IPO4: variants seen among roughly 807,000 people sequenced by gnomAD.
The protein encoded by IPO4 is importin-4.
Under a neutral mutation model 133.5 loss-of-function variants are expected in IPO4, and 91 were observed. The observed-to-expected ratio is 0.68, with a 90% CI of 0.58 to 0.81. IPO4 has a LOEUF of 0.81. Ranked by LOEUF, IPO4 falls within the 30% of genes least tolerant of loss-of-function variation. The pLI is 0.00. For missense variants in IPO4, 1,279 were observed against 1,386.2 expected, an observed-to-expected ratio of 0.92 and a Z score of 1.23; for synonymous variants, 607 against 581.6, an observed-to-expected ratio of 1.04 and a Z score of -0.63.
chr14:24,183,972 G>GGGGGCC, intron 18 of IPO4, 26 bp downstream of exon 18: 19 of 1,573,196 alleles, frequency 1.2e-5, no homozygotes, highest in Non-Finnish European at 1.6e-5. Context: ...GGCAGGCCTG[G>GGGGGCC]CCCAGCCCAC....
intron 12 of IPO4, 76 bp from the exon 13 acceptor site, chr14:24,185,643 T>G (rs1360402696): frequency 5.8e-6 from 8 of 1,386,776 alleles, no homozygotes; most frequent in Non-Finnish European, 8.1e-6. Flanking sequence ...TCTCTTCATT[T>G]TCCCTGGAAA....
At chr14:24,185,652 A>G in intron 12 of IPO4, 85 bp from the exon 13 acceptor site, 1 of 1,318,228 alleles carries the variant, frequency 7.6e-7, no homozygotes, top group Non-Finnish European at 1.1e-6. Context: ...TTTCCCTGGA[A>G]AAACCAAGGC....
Position 24,184,776 on chromosome 14 carries a change from A to G in IPO4, c.1523-13T>C, listed in dbSNP as rs1396888908. 4 of 1,610,440 alleles carry G rather than the reference A, an allele frequency of 2.5e-6. No individual in the cohort carries two copies. The highest frequency in any genetic ancestry group is 1.3e-5 in the African/African-American group (1 of 74,984). ...TGGGCAGCCGTAGCTGCAGGATGGA[A>G]GGACAGAATCAGAGCTGGAGAGGGC... On this transcript the variant is annotated splice_polypyrimidine_tract_variant and intron_variant, in intron 15 of 29. Coordinates refer to ENST00000354464, the MANE Select transcript of IPO4 (RefSeq NM_024658.4).
In IPO4 at chr14:24,186,804, T is replaced by A; in HGVS notation, c.757-13A>T. ...CATTTCTAGCTACCTGTCCACAGAA[T>A]AATAAAAATCAGCGACAGGGAAGGA... On this transcript the variant is annotated splice_polypyrimidine_tract_variant and intron_variant, in intron 8 of 29. Coordinates refer to ENST00000354464, the MANE Select transcript of IPO4 (RefSeq NM_024658.4). 1 of 1,613,864 alleles carries A rather than the reference T, an allele frequency of 6.2e-7. No individual in the cohort carries two copies. The highest frequency in any genetic ancestry group is 1.3e-5 in the African/African-American group (1 of 75,024).
intron 18 of IPO4, 26 bp downstream of exon 18, chr14:24,183,972 G>GGGGCGC: frequency 6.4e-7 from 1 of 1,573,306 alleles, no homozygotes. Flanking sequence ...GGCAGGCCTG[G>GGGGCGC]CCCAGCCCAC....
rs376606633 is a variant in IPO4, at chr14:24,183,665, T to C, written c.1988A>G (p.Tyr663Cys). ...ATCGAAGAAGGCATTCTCCACGCTG[T>C]ACCTAGAGTAAGAAGGGGAGGCAGT... ...EEEDDSEISG[Y>C]SVENAFFDEK... Residue 663 changes from tyrosine (Y) to cysteine (C), a missense_variant and splice_region_variant, in exon 20 of 30, where the codon TAC becomes TGC. Tyr to Cys is a radical substitution (Grantham distance 194). Transcript: ENST00000354464. The C allele has an allele frequency of 2.2e-5, 35 of 1,613,924 alleles. No homozygotes were observed. Among genetic ancestry groups the C allele is most frequent in the Non-Finnish European group, 2.8e-5 (33 of 1,180,012 alleles).
intron 28 of IPO4, 92 bp from the exon 29 acceptor site, chr14:24,180,850 CA>C (rs1346103290): frequency 9.6e-6 from 10 of 1,039,378 alleles, no homozygotes; most frequent in East Asian, 2.6e-5. Context: ...AATCTCTTAT[CA>C]GGGGGGTGGT....
At chr14:24,183,972 G>GGGGGGCCCCCCCCCC in intron 18 of IPO4, 26 bp downstream of exon 18, 2 of 1,573,284 alleles carry the variant, frequency 1.3e-6, no homozygotes, top group Non-Finnish European at 1.7e-6. Flanking sequence ...GGCAGGCCTG[G>GGGGGGCCCCCCCCCC]CCCAGCCCAC....
At chr14:24,188,659 A>C in intron 1 of IPO4, 21 bp from the exon 2 acceptor site, 4 of 1,606,380 alleles carry the variant, frequency 2.5e-6, no homozygotes, top group Non-Finnish European at 3.4e-6. Context: ...GCTAGGGGTG[A>C]GAGTTGGGCC....
Position 24,187,737 on chromosome 14 carries a change from A to G in IPO4, c.338T>C (p.Leu113Ser). 1 of 1,614,224 alleles carries G rather than the reference A, an allele frequency of 6.2e-7. No individual in the cohort carries two copies. Among genetic ancestry groups the G allele is most frequent in the Non-Finnish European group, 8.5e-7 (1 of 1,180,028 alleles). ...CTGCAAAAGCTGTGGCCAGGCCTCC[A>G]AGCCTTCCTTTCGAAAAATGGTGGC... ...LSATIFRKEGLEAWPQLLQLL... is the reference protein window; with the variant it reads ...LSATIFRKEGSEAWPQLLQLL... The change falls in exon 5 of 30, where the codon TTG (leucine) becomes TCG (serine). Residue 113 changes from leucine (L) to serine (S), a missense_variant. This residue lies in a region of IPO4 where 695 missense variants were observed against 704.1 expected (regional missense o/e 0.99). Coordinates refer to ENST00000354464, the MANE Select transcript of IPO4 (RefSeq NM_024658.4).
At position 24,183,274 on chromosome 14, in the gene IPO4, A is replaced by G. The variant is rs2039168465; in HGVS notation, c.2203T>C (p.Cys735Arg). The G allele has an allele frequency of 6.2e-7, 1 of 1,613,628 alleles. No individual in the cohort carries two copies. The highest frequency in any genetic ancestry group is 8.5e-7 in the Non-Finnish European group (1 of 1,179,842). ...CCALHKACQSCPSEPNTAALQ... is the reference protein window; with the variant it reads ...CCALHKACQSRPSEPNTAALQ... Reference sequence around the variant, plus strand: ...CCAGCAGTGTTGGGTTCCGAGGGGCAGCTTTGACAGGCCTTGTGCAGTGCA... The same window carrying G: ...CCAGCAGTGTTGGGTTCCGAGGGGCGGCTTTGACAGGCCTTGTGCAGTGCA... The change falls in exon 22 of 30, where the codon TGC becomes CGC. Residue 735 changes from cysteine to arginine, a missense_variant. By Grantham distance (180) the Cys-to-Arg change is radical. Transcript: ENST00000354464.
In IPO4 at chr14:24,187,548, G is replaced by A; in HGVS notation, c.440C>T (p.Thr147Ile). ...GGGTTGGAAGGCCTCGGGCCGGGAG[G>A]TCACCACCACACTTAGCAGCAAAAG... is the stretch of plus-strand genomic sequence containing the variant. ...MGLLLLSVVV[T>I]SRPEAFQPHH... is the part of the protein sequence containing the mutation. The change falls in exon 6 of 30, where the codon ACC (threonine) becomes ATC (isoleucine). Residue 147 changes from threonine to isoleucine, a missense_variant. By Grantham distance (89) the Thr-to-Ile change is moderately conservative (BLOSUM62 -1). Around this residue, in one of 3 missense-constraint regions of IPO4, gnomAD observed 695 missense variants for 704.1 expected, o/e 0.99. Transcript: ENST00000354464. The A allele has an allele frequency of 1.9e-6, 3 of 1,614,136 alleles. No individual in the cohort carries two copies. The highest frequency in any genetic ancestry group is 8.5e-7 in the Non-Finnish European group (1 of 1,180,038).
At chr14:24,182,470 C>T (rs1209090453) in intron 24 of IPO4, 67 bp from the exon 25 acceptor site, 1 of 1,560,770 alleles carries the variant, frequency 6.4e-7, no homozygotes, top group East Asian at 2.4e-5. Flanking sequence ...CCCTCCCACG[C>T]TCTGCCACCA....
intron 12 of IPO4, 104 bp downstream of exon 12, chr14:24,185,757 G>T: frequency 9.8e-7 from 1 of 1,016,884 alleles, no homozygotes; most frequent in Non-Finnish European, 1.5e-6. Flanking sequence ...TTTGATAATG[G>T]GGGGAAACGC....
rs1429330723 is a variant in IPO4, at chr14:24,186,171, C to T, written c.1017G>A (p.Met339Ile). The change falls in exon 11 of 30, where the codon ATG becomes ATA. Residue 339 changes from methionine to isoleucine, a missense_variant. Transcript: ENST00000354464. ...TCTCGGGGGGCAGGTGTAGTGCCAG[C>T]ATGTCCACAACCTGAGATGGGATGG... is the stretch of plus-strand genomic sequence containing the variant. ...PKHFAVQVVD[M>I]LALHLPPEKL... 1.2e-6 allele frequency: 2 copies of T among 1,614,006 alleles called. No homozygotes were observed. The highest frequency in any genetic ancestry group is 1.7e-6 in the Non-Finnish European group (2 of 1,179,916).
chr14:24,186,100 G>A lies in IPO4; in HGVS notation c.1059+29C>T, dbSNP rs755907412. The A allele has an allele frequency of 4.3e-6, 7 of 1,612,992 alleles. No homozygotes were observed. In the East Asian group the frequency reaches 1.6e-4, roughly 36 times the overall value. On this transcript the variant is annotated intron_variant, in intron 11 of 29. Coordinates refer to ENST00000354464, the MANE Select transcript of IPO4 (RefSeq NM_024658.4). ...GGGGACTAGGCACACTTGGAGGTAG[G>A]GACACCAGAAGGACAGAGCCACACT...
chr14:24,188,040 G>A (rs1260914908), intron 4 of IPO4, 176 bp downstream of exon 4: 4 of 791,820 alleles, frequency 5.1e-6, no homozygotes, highest in African/African-American at 1.7e-5. Flanking sequence ...GGGTTTGGCA[G>A]ATCATCATCA....
In IPO4 at chr14:24,188,723, C is replaced by T. The variant is rs1483774351; in HGVS notation, c.65G>A (p.Arg22His). Residue 22 changes from arginine to histidine, a missense_variant, in exon 1 of 30, where the codon CGT becomes CAT. Physicochemically the swap from Arg to His is conservative, Grantham distance 29. Coordinates refer to ENST00000354464, the MANE Select transcript of IPO4 (RefSeq NM_024658.4). Reference protein sequence around the residue: ...ELLLPDTERIRRATEQLQIVL... With the variant: ...ELLLPDTERIHRATEQLQIVL... ...CCGGTTACGCCTGCTCCGTACCCGA[C>T]GGATGCGCTCGGTGTCCGGTAGCAG... 6.4e-7 allele frequency: 1 copy of T among 1,564,776 alleles called. No homozygotes were observed. Among genetic ancestry groups the T allele is most frequent in the Non-Finnish European group, 8.7e-7 (1 of 1,152,492 alleles).
rs773625306 is a variant in IPO4, at chr14:24,186,998, A to C, written c.655-19T>G. 6.2e-7 allele frequency: 1 copy of C among 1,613,116 alleles called. No individual in the cohort carries two copies. Among genetic ancestry groups the C allele is most frequent in the African/African-American group, 1.3e-5 (1 of 74,910 alleles). ...CCTTTGCCTGACAGACAAACAAGGC[A>C]CAAGGTTACCATGCTCTTCTTCAGT... On this transcript the variant is annotated intron_variant, in intron 7 of 29. Coordinates refer to ENST00000354464, the MANE Select transcript of IPO4 (RefSeq NM_024658.4).
Sources: gnomAD v4.1 joint callset for allele counts on GRCh38, gnomAD v4.1.1 for gene constraint, gnomAD v4.1.1 regional missense constraint, MANE v1.5 for transcripts, NCBI Gene and HGNC (gene_info 2026-07-23, HGNC 2026-07-21) for gene names.